The following ARID1B variants were observed in gnomAD, a reference collection of about 807,000 sequenced individuals.
The protein encoded by ARID1B is AT-rich interactive domain-containing protein 1B.
In ARID1B, 30 loss-of-function variants were observed where a neutral mutation model predicts 212.3. The observed-to-expected ratio is 0.14, with a 90% CI of 0.11 to 0.19. ARID1B has a LOEUF of 0.19. ARID1B is among the 10% of genes least tolerant of loss of function. ARID1B has a pLI of 1.00. For missense variants in ARID1B, 2,891 were observed against 3,204.0 expected (o/e 0.90, Z 2.36); for synonymous variants, 1,402 against 1,301.7 (o/e 1.08, Z -1.66).
At chr6:157,060,458 C>T (rs1289470796) in intron 4 of ARID1B, among the ~76,000 whole-genome samples, 1 of 151,982 alleles carries the variant, frequency 6.6e-6, no homozygotes, top group Non-Finnish European at 1.5e-5. Flanking sequence ...AGGTCTAGTG[C>T]CATAGAAGAA....
intron 2 of ARID1B, among the ~76,000 whole-genome samples, chr6:156,882,645 T>G (rs1787193135): frequency 6.6e-6 from 1 of 152,234 alleles, no homozygotes; most frequent in South Asian, 2.1e-4. Context: ...CCACATACTC[T>G]TAGACATTTT....
intron 3 of ARID1B, among the ~76,000 whole-genome samples, chr6:156,907,464 T>C (rs911926015): frequency 6.6e-6 from 1 of 152,210 alleles, no homozygotes; most frequent in Non-Finnish European, 1.5e-5. Context: ...ATAATAAACA[T>C]AGCCTCATGA....
At chr6:156,815,569 C>G (rs1781907550) in intron 1 of ARID1B, among the ~76,000 whole-genome samples, 1 of 152,180 alleles carries the variant, frequency 6.6e-6, no homozygotes. Flanking sequence ...AGGGTAATGA[C>G]AGCAACTGCC....
At chr6:156,881,245 A>G (rs1389625800) in intron 2 of ARID1B, among the ~76,000 whole-genome samples, 2 of 152,216 alleles carry the variant, frequency 1.3e-5, no homozygotes, top group East Asian at 1.9e-4. Context: ...GGCAGTCACA[A>G]TTTGGTACTA....
Position 156,829,275 on chromosome 6 carries a change from A to G in ARID1B, c.1840A>G (p.Met614Val). ...MVMKRPQLYG[M>V]GSNPHSQPQQ... The stretch of plus-strand genomic sequence containing the variant: ...GATGAAGAGACCTCAGTTGTATGGC[A>G]TGGGCAGTAACCCTCATTCTCAGCC... The change falls in exon 2 of 20, where the codon ATG (methionine) becomes GTG (valine). Residue 614 changes from methionine (M) to valine (V), a missense_variant. Met to Val is a conservative substitution (Grantham distance 21). This residue lies in a region of ARID1B where 1,643 missense variants were observed against 1,544.0 expected (regional missense o/e 1.06). Coordinates refer to ENST00000636930, the MANE Select transcript of ARID1B (RefSeq NM_001374828.1). 6.2e-7 allele frequency: 1 copy of G among 1,614,244 alleles called. No individual in the cohort carries two copies. Among genetic ancestry groups the G allele is most frequent in the Non-Finnish European group, 8.5e-7 (1 of 1,180,038 alleles).
chr6:156,880,665 G>A (rs934623462), intron 2 of ARID1B, among the ~76,000 whole-genome samples: 4 of 148,104 alleles, frequency 2.7e-5, no homozygotes, highest in East Asian at 3.9e-4. Context: ...GTTGAACCCC[G>A]GGAGGCGGAG....
intron 4 of ARID1B, among the ~76,000 whole-genome samples, chr6:156,990,456 C>G (rs1301931830): frequency 6.6e-6 from 1 of 152,104 alleles, no homozygotes. Flanking sequence ...TCCTGGCCAT[C>G]ATGGTGAAAC....
In ARID1B at chr6:157,097,678, T is replaced by TA. The variant is rs550380644; in HGVS notation, c.2491+12778dup. The stretch of plus-strand genomic sequence containing the variant: ...TGATTAAAGGAAAGTGCCTTGGCTT[T>TA]AAAAAGGCCTGTCTCTATCCGGCAG... On this transcript the variant is annotated intron_variant, in intron 5 of 19. Transcript: ENST00000636930. 5.3e-3 allele frequency among the ~76,000 whole-genome samples: 814 copies of TA among 152,240 alleles called. 8 individuals are homozygous for TA. Among genetic ancestry groups the TA allele is most frequent in the Middle Eastern group, 0.031 (9 of 294 alleles).
chr6:156,898,494 C>G (rs1395483886), intron 2 of ARID1B, among the ~76,000 whole-genome samples: 1 of 152,098 alleles, frequency 6.6e-6, no homozygotes, highest in East Asian at 1.9e-4. Context: ...TGCCAGAACT[C>G]AAAAGGAGCT....
chr6:156,950,891 C>T (rs376523433), intron 4 of ARID1B, among the ~76,000 whole-genome samples: 17 of 152,150 alleles, frequency 1.1e-4, no homozygotes, highest in East Asian at 7.7e-4. Context: ...CTCATTAAAA[C>T]AATAAAAATG....
intron 4 of ARID1B, among the ~76,000 whole-genome samples, chr6:157,038,579 A>T (rs1781486724): frequency 6.6e-6 from 1 of 152,118 alleles, no homozygotes; most frequent in African/African-American, 2.4e-5. Context: ...TAAATTTTTT[A>T]TGTTTCTGTA....
chr6:156,987,751 T>C (rs952939902), intron 4 of ARID1B, among the ~76,000 whole-genome samples: 4 of 152,178 alleles, frequency 2.6e-5, no homozygotes, highest in South Asian at 2.1e-4. Context: ...TTGATAGTTA[T>C]AGTAATACAT....
At chr6:156,792,088 T>C (rs1173197659) in intron 1 of ARID1B, among the ~76,000 whole-genome samples, 1 of 152,232 alleles carries the variant, frequency 6.6e-6, no homozygotes, top group Non-Finnish European at 1.5e-5. Context: ...AGAACTTTAC[T>C]CATATGAGAG....
At chr6:156,926,626 C>CT (rs911189299) in intron 3 of ARID1B, among the ~76,000 whole-genome samples, 58 of 152,176 alleles carry the variant, frequency 3.8e-4, no homozygotes, top group African/African-American at 1.3e-3. Context: ...TGTTTCACCT[C>CT]TGTCTCCCCC....
intron 3 of ARID1B, among the ~76,000 whole-genome samples, chr6:156,916,017 T>C (rs1790327446): frequency 6.6e-6 from 1 of 150,830 alleles, no homozygotes. Context: ...TTTCCAGTGG[T>C]TCTTATTTTA....
At chr6:156,980,484 A>AAAAAC (rs55654545) in intron 4 of ARID1B, among the ~76,000 whole-genome samples, 185 of 151,624 alleles carry the variant, frequency 1.2e-3, no homozygotes, top group East Asian at 4.7e-3. Flanking sequence ...CCTACATCTC[A>AAAAAC]AAAACAAAAC....
At chr6:156,944,923 T>C (rs1792954533) in intron 4 of ARID1B, among the ~76,000 whole-genome samples, 2 of 146,532 alleles carry the variant, frequency 1.4e-5, no homozygotes, top group Non-Finnish European at 1.5e-5. Flanking sequence ...CTTTTTCTTT[T>C]CCTTTTTTTT....
At chr6:157,064,365 A>T (rs945056473) in intron 4 of ARID1B, among the ~76,000 whole-genome samples, 2 of 152,192 alleles carry the variant, frequency 1.3e-5, no homozygotes, top group African/African-American at 4.8e-5. Flanking sequence ...TCCAGAACGC[A>T]TGTTTAGCTA....
At chr6:156,931,556 A>G (rs1343561257) in intron 3 of ARID1B, among the ~76,000 whole-genome samples, 1 of 152,222 alleles carries the variant, frequency 6.6e-6, no homozygotes, top group Non-Finnish European at 1.5e-5. Context: ...AGGCCTGGGC[A>G]CAGTGGCTCA....
Sources: allele counts gnomAD v4.1 joint callset (sites outside exome capture counted in the v4.1 genomes callset), GRCh38; gene constraint gnomAD v4.1.1; regional missense constraint gnomAD v4.1.1; transcripts MANE v1.5; gene names NCBI Gene and HGNC (gene_info 2026-07-23, HGNC 2026-07-21).